PRR5L: variants seen among roughly 807,000 people sequenced by gnomAD.
PRR5L encodes proline rich 5 like.
Under a neutral mutation model 36.4 loss-of-function variants are expected in PRR5L, and 21 were observed. The ratio of observed to expected loss-of-function variants is 0.58; its 90% CI spans 0.41 to 0.83. The LOEUF (loss-of-function observed/expected upper bound fraction) is 0.83, where lower values mean the gene tolerates loss of function less well. Ranked by LOEUF, PRR5L falls within the 40% of genes least tolerant of loss-of-function variation. The probability of loss-of-function intolerance (pLI) is 0.00; values close to 1 mark genes in which losing one functional copy is unlikely to be tolerated. For missense variants in PRR5L, 381 were observed against 473.3 expected, an observed-to-expected ratio of 0.80 and a Z score of 1.81; for synonymous variants, 188 against 197.0, an observed-to-expected ratio of 0.95 and a Z score of 0.38.
At chr11:36,404,295 G>A (rs1014270666) in intron 3 of PRR5L, among the ~76,000 whole-genome samples, 9 of 124,786 alleles carry the variant, frequency 7.2e-5, no homozygotes, top group Non-Finnish European at 1.3e-4. Flanking sequence ...TTTTTTAAAC[G>A]GAGTCTTGCT....
chr11:36,385,807 T>C (rs1590515389), intron 1 of PRR5L, among the ~76,000 whole-genome samples: 1 of 152,374 alleles, frequency 6.6e-6, no homozygotes, highest in Non-Finnish European at 1.5e-5. Context: ...TCTGCTCTGC[T>C]ATGTCTGTAG....
intron 3 of PRR5L, among the ~76,000 whole-genome samples, chr11:36,416,045 T>C (rs1858135525): frequency 6.6e-6 from 1 of 152,270 alleles, no homozygotes; most frequent in Non-Finnish European, 1.5e-5. Flanking sequence ...ATCTTTCATA[T>C]TATTTAGAGC....
At chr11:36,300,859 C>G (rs1856368319) in intron 1 of PRR5L, 1 of 152,392 alleles carries the variant, frequency 6.6e-6, no homozygotes. Flanking sequence ...AAGTTGGGGC[C>G]CAGGGCACAG....
chr11:36,308,453 C>T (rs1222796104), intron 1 of PRR5L, among the ~76,000 whole-genome samples: 1 of 152,214 alleles, frequency 6.6e-6, no homozygotes, highest in African/African-American at 2.4e-5. Context: ...TTCTACCTTG[C>T]TGTCTCTAGC....
intron 1 of PRR5L, among the ~76,000 whole-genome samples, chr11:36,300,310 C>G (rs536104010): frequency 1.3e-5 from 2 of 152,038 alleles, no homozygotes; most frequent in African/African-American, 2.4e-5. Flanking sequence ...GCATGTCACA[C>G]GGTGAGAAAG....
intron 3 of PRR5L, among the ~76,000 whole-genome samples, chr11:36,410,712 T>A (rs558590938): frequency 6.6e-6 from 1 of 152,312 alleles, no homozygotes; most frequent in South Asian, 2.1e-4. Context: ...CTCCATGTCC[T>A]GAGTCAAGGA....
chr11:36,380,451 G>A (rs1372858447), intron 1 of PRR5L: 1 of 152,108 alleles, frequency 6.6e-6, no homozygotes, highest in Non-Finnish European at 1.5e-5. Context: ...ATTTTAATTA[G>A]ACTTGGCCCT....
chr11:36,353,883 G>A (rs1857000502), intron 1 of PRR5L, among the ~76,000 whole-genome samples: 1 of 152,148 alleles, frequency 6.6e-6, no homozygotes, highest in South Asian at 2.1e-4. Flanking sequence ...CTGCTCCAGA[G>A]GGTTTATAAT....
At chr11:36,319,938 G>A (rs962235937) in intron 1 of PRR5L, among the ~76,000 whole-genome samples, 1 of 152,116 alleles carries the variant, frequency 6.6e-6, no homozygotes, top group African/African-American at 2.4e-5. Context: ...AAGGCTGCAC[G>A]CAGGAGGAAA....
chr11:36,414,295 T>G (rs1472395399), intron 3 of PRR5L, among the ~76,000 whole-genome samples: 1 of 150,080 alleles, frequency 6.7e-6, no homozygotes, highest in Non-Finnish European at 1.5e-5. Context: ...CCACACTGAC[T>G]TCCACAATGG....
intron 1 of PRR5L, among the ~76,000 whole-genome samples, chr11:36,316,109 T>A (rs567716874): frequency 6.6e-6 from 1 of 152,324 alleles, no homozygotes; most frequent in South Asian, 2.1e-4. Context: ...ATCAGCAAAC[T>A]TTTTTATGAA....
At chr11:36,412,582 AG>A (rs768949525) in intron 3 of PRR5L, among the ~76,000 whole-genome samples, 7 of 152,180 alleles carry the variant, frequency 4.6e-5, no homozygotes, top group Non-Finnish European at 1.0e-4. Context: ...CCCTGCATCT[AG>A]GGAACCACAA....
chr11:36,306,766 A>T (rs867818196), intron 1 of PRR5L, among the ~76,000 whole-genome samples: 2 of 152,188 alleles, frequency 1.3e-5, no homozygotes, highest in Admixed American at 6.5e-5. Context: ...CCACCAAAAA[A>T]GTCTGAAAGA....
At chr11:36,302,688 G>A (rs1481570672) in intron 1 of PRR5L, among the ~76,000 whole-genome samples, 1 of 152,216 alleles carries the variant, frequency 6.6e-6, no homozygotes, top group Non-Finnish European at 1.5e-5. Context: ...TCGGGAGGCT[G>A]AGGCACGAGA....
intron 8 of PRR5L, among the ~76,000 whole-genome samples, chr11:36,455,885 C>T (rs553388961): frequency 5.3e-5 from 8 of 152,288 alleles, no homozygotes; most frequent in Admixed American, 1.3e-4. Flanking sequence ...GCTGTCTGCC[C>T]GGGGGACTCA....
chr11:36,333,858 T>C (rs1036348470), intron 1 of PRR5L, among the ~76,000 whole-genome samples: 4 of 152,146 alleles, frequency 2.6e-5, no homozygotes, highest in Non-Finnish European at 5.9e-5. Flanking sequence ...TTTAAATGGA[T>C]GCAGGGGTTT....
At chr11:36,375,051 A>G (rs1355987114) in intron 1 of PRR5L, among the ~76,000 whole-genome samples, 1 of 152,146 alleles carries the variant, frequency 6.6e-6, no homozygotes, top group Admixed American at 6.5e-5. Flanking sequence ...CCTGGCCAAC[A>G]TGGTGAAACC....
At chr11:36,307,176 T>A (rs1856443271) in intron 1 of PRR5L, among the ~76,000 whole-genome samples, 1 of 152,104 alleles carries the variant, frequency 6.6e-6, no homozygotes, top group Non-Finnish European at 1.5e-5. Context: ...TGTAATAAAA[T>A]CATGCTGTGA....
At chr11:36,447,804 T>C (rs538271130) in intron 7 of PRR5L, among the ~76,000 whole-genome samples, 12 of 152,288 alleles carry the variant, frequency 7.9e-5, no homozygotes, top group Admixed American at 7.8e-4. Context: ...GTGGGTGTAA[T>C]TGGCCGGAAT....
Sources: allele counts gnomAD v4.1 joint callset (sites outside exome capture counted in the v4.1 genomes callset), GRCh38; gene constraint gnomAD v4.1.1; transcripts MANE v1.5; gene names NCBI Gene and HGNC (gene_info 2026-07-23, HGNC 2026-07-21).